The following DSE variants were observed in gnomAD, a reference collection of about 807,000 sequenced individuals.
The protein encoded by DSE is dermatan-sulfate epimerase.
DSE carries 36 observed loss-of-function variants against 84.4 expected under a neutral mutation model. That is an observed-to-expected ratio of 0.43 (90% CI 0.33 to 0.56). DSE has a LOEUF of 0.56. DSE is among the 20% of genes least tolerant of loss of function. The pLI is 0.06. For missense variants in DSE, 862 were observed against 1,169.6 expected (o/e 0.74, Z 3.84); for synonymous variants, 410 against 430.1 (o/e 0.95, Z 0.58).
At chr6:116,409,858 C>T (rs1468873701) in intron 2 of DSE, among the ~76,000 whole-genome samples, 1 of 152,082 alleles carries the variant, frequency 6.6e-6, no homozygotes, top group Admixed American at 6.6e-5. Context: ...AGGAACCAGC[C>T]ACGTGAAGGG....
chr6:116,407,760 T>C (rs1782028472), intron 2 of DSE, among the ~76,000 whole-genome samples: 1 of 152,248 alleles, frequency 6.6e-6, no homozygotes, highest in Non-Finnish European at 1.5e-5. Flanking sequence ...AAAAGTACCT[T>C]TGATAAATAA....
chr6:116,427,968 C>A (rs370674159), intron 3 of DSE, among the ~76,000 whole-genome samples: 4 of 152,322 alleles, frequency 2.6e-5, no homozygotes, highest in African/African-American at 7.2e-5. Flanking sequence ...GCGGGCGGAT[C>A]ACTTGAGGAC....
intron 2 of DSE, among the ~76,000 whole-genome samples, chr6:116,405,062 G>A (rs1212673995): frequency 2.7e-5 from 4 of 150,872 alleles, no homozygotes; most frequent in African/African-American, 4.9e-5. Flanking sequence ...GGTGTCATCC[G>A]AGGGTGTATT....
At chr6:116,410,010 A>G (rs538732644) in intron 2 of DSE, among the ~76,000 whole-genome samples, 15 of 152,224 alleles carry the variant, frequency 9.9e-5, no homozygotes, top group Non-Finnish European at 1.8e-4. Context: ...TTGGGTAGAG[A>G]GCCAGATGCT....
In DSE at chr6:116,334,850, T is replaced by C. The variant is rs1777149197; in HGVS notation, c.-53-64348T>C. On this transcript the variant is annotated intron_variant, in intron 2 of 3. Coordinates refer to the DSE transcript ENST00000430252. Reference sequence around the variant, plus strand: ...AATCAAAACCACAGGAAATACCATCTCACACCAGTCAGAATGGCTATTAAA... The same window carrying C: ...AATCAAAACCACAGGAAATACCATCCCACACCAGTCAGAATGGCTATTAAA... Among the ~76,000 whole-genome samples the C allele has an allele frequency of 2.0e-5, 3 of 152,244 alleles. No homozygotes were observed. In the South Asian group the frequency reaches 6.2e-4, roughly 32 times the overall value.
intron 2 of DSE, among the ~76,000 whole-genome samples, chr6:116,406,127 C>T (rs573880465): frequency 1.3e-5 from 2 of 152,268 alleles, no homozygotes; most frequent in South Asian, 4.1e-4. Flanking sequence ...ATTGGTATGA[C>T]CCTCAAGTCA....
chr6:116,422,206 A>G (rs1783136511), intron 2 of DSE, among the ~76,000 whole-genome samples: 1 of 152,238 alleles, frequency 6.6e-6, no homozygotes, highest in African/African-American at 2.4e-5. Flanking sequence ...TAATTATACA[A>G]TATAAAAATC....
intron 2 of DSE, among the ~76,000 whole-genome samples, chr6:116,405,812 G>A (rs1430211807): frequency 2.0e-5 from 3 of 152,182 alleles, no homozygotes; most frequent in Admixed American, 6.5e-5. Context: ...AAGAGGACCC[G>A]AGGGAGAGGC....
chr6:116,312,965 A>C (rs1775777375), intron 2 of DSE, among the ~76,000 whole-genome samples: 1 of 152,176 alleles, frequency 6.6e-6, no homozygotes, highest in Non-Finnish European at 1.5e-5. Context: ...ATGTATATAG[A>C]AGTCTTCTCT....
At chr6:116,402,148 C>T (rs1781637356) in intron 2 of DSE, among the ~76,000 whole-genome samples, 1 of 152,130 alleles carries the variant, frequency 6.6e-6, no homozygotes, top group Admixed American at 6.5e-5. Context: ...ATAATTTTTA[C>T]CTATGGCAAA....
chr6:116,396,933 G>C (rs1480325289), intron 1 of DSE, among the ~76,000 whole-genome samples: 1 of 152,136 alleles, frequency 6.6e-6, no homozygotes, highest in Non-Finnish European at 1.5e-5. Context: ...AAAAATTCTA[G>C]TTTCCATGTA....
chr6:116,382,719 A>T (rs1372516433), intron 1 of DSE, among the ~76,000 whole-genome samples: 1 of 152,166 alleles, frequency 6.6e-6, no homozygotes, highest in African/African-American at 2.4e-5. Flanking sequence ...TAAGGATTTT[A>T]CTGAGGAGTC....
chr6:116,398,384 C>T (rs1339392643), intron 1 of DSE, among the ~76,000 whole-genome samples: 1 of 152,186 alleles, frequency 6.6e-6, no homozygotes, highest in Non-Finnish European at 1.5e-5. Flanking sequence ...TTACATTTCT[C>T]ACTTACTGAA....
intron 2 of DSE, among the ~76,000 whole-genome samples, chr6:116,346,069 GA>G (rs1267660975): frequency 2.6e-5 from 4 of 152,166 alleles, no homozygotes; most frequent in Non-Finnish European, 5.9e-5. Flanking sequence ...ACTAAACTAG[GA>G]AGAAGTTGAA....
chr6:116,274,594 A>G (rs1042605576), intron 2 of DSE, among the ~76,000 whole-genome samples: 1 of 152,260 alleles, frequency 6.6e-6, no homozygotes, highest in African/African-American at 2.4e-5. Flanking sequence ...AAAAAAAAAA[A>G]GAGCATTTTA....
intron 1 of DSE, among the ~76,000 whole-genome samples, chr6:116,258,182 A>AT (rs112203736): frequency 0.017 from 2,479 of 144,660 alleles, 27 homozygotes; most frequent in Non-Finnish European, 0.026. Context: ...TGCCCGGCTA[A>AT]TTTTTTTTTT....
At chr6:116,306,920 G>A (rs1775380461) in intron 2 of DSE, among the ~76,000 whole-genome samples, 1 of 152,100 alleles carries the variant, frequency 6.6e-6, no homozygotes, top group South Asian at 2.1e-4. Context: ...CCTTGATCTT[G>A]GACTTCCCAG....
At chr6:116,343,256 C>T (rs148517042) in intron 2 of DSE, among the ~76,000 whole-genome samples, 297 of 152,330 alleles carry the variant, frequency 1.9e-3, no homozygotes, top group African/African-American at 6.9e-3. Context: ...GAAACTTCTG[C>T]AGACTTAAAC....
chr6:116,338,111 T>C lies in DSE; in HGVS notation c.-53-61087T>C, dbSNP rs1777356623. Among the ~76,000 whole-genome samples the C allele has an allele frequency of 3.9e-5, 6 of 152,262 alleles. 1 individual carries two copies. In the South Asian group the frequency reaches 8.3e-4, roughly 21 times the overall value. On this transcript the variant is annotated intron_variant, in intron 2 of 3. Coordinates refer to the DSE transcript ENST00000430252. ...GGAGCTTTGTTATTCTTCATGTCTA[T>C]GTTTGATACTCCGAATAACCTTCAT...
Sources: allele counts gnomAD v4.1 joint callset (sites outside exome capture counted in the v4.1 genomes callset), GRCh38; gene constraint gnomAD v4.1.1; transcripts MANE v1.5; gene names NCBI Gene and HGNC (gene_info 2026-07-23, HGNC 2026-07-21).